SORCS1: variants seen among roughly 807,000 people sequenced by gnomAD.
The protein encoded by SORCS1 is VPS10 domain-containing receptor SorCS1.
A neutral mutation model predicts 146.1 loss-of-function variants in SORCS1; 60 were observed. The ratio of observed to expected loss-of-function variants is 0.41; its 90% CI spans 0.33 to 0.51. The LOEUF (loss-of-function observed/expected upper bound fraction) is 0.51. Among genes scored for constraint, SORCS1 ranks in the 20% least tolerant of loss-of-function variants. The pLI is 0.21. For missense variants in SORCS1, 1,352 were observed against 1,487.6 expected (o/e 0.91, Z 1.50); for synonymous variants, 637 against 584.0 (o/e 1.09, Z -1.31).
intron 2 of SORCS1, among the ~76,000 whole-genome samples, chr10:106,879,908 G>A (rs1049433534): frequency 6.6e-6 from 1 of 152,210 alleles, no homozygotes; most frequent in African/African-American, 2.4e-5. Context: ...GAAACCCTAA[G>A]CAGTGAGCAA....
At chr10:106,644,558 G>A (rs942692635) in intron 18 of SORCS1, among the ~76,000 whole-genome samples, 2 of 151,964 alleles carry the variant, frequency 1.3e-5, no homozygotes, top group Non-Finnish European at 2.9e-5. Context: ...GTAGAGACGG[G>A]GTTTCACTGT....
intron 2 of SORCS1, among the ~76,000 whole-genome samples, chr10:106,873,771 C>T (rs1041224344): frequency 2.0e-5 from 3 of 152,202 alleles, no homozygotes; most frequent in Admixed American, 1.3e-4. Flanking sequence ...ACACCAATAA[C>T]TCCTTCACCT....
In SORCS1 at chr10:106,760,599, C is replaced by T. The variant is rs1457617395; in HGVS notation, c.959+989G>A. 2.0e-5 allele frequency among the ~76,000 whole-genome samples: 3 copies of T among 151,954 alleles called. No homozygotes were observed. In the East Asian group the frequency reaches 5.8e-4, roughly 29 times the overall value. The stretch of plus-strand genomic sequence containing the variant: ...ACATTGATCTCGAACTCCCCAGCCT[C>T]CAGAACAACGAAGAATAAATATCCG... On this transcript the variant is annotated intron_variant, in intron 5 of 25. Transcript: ENST00000263054.
intron 1 of SORCS1, among the ~76,000 whole-genome samples, chr10:107,120,328 T>A (rs2134533408): frequency 6.6e-6 from 1 of 152,168 alleles, no homozygotes; most frequent in East Asian, 1.9e-4. Flanking sequence ...GTAATTTGTA[T>A]TTGCTGAATG....
At chr10:107,033,101 G>C (rs1958739594) in intron 1 of SORCS1, among the ~76,000 whole-genome samples, 1 of 152,166 alleles carries the variant, frequency 6.6e-6, no homozygotes, top group Non-Finnish European at 1.5e-5. Flanking sequence ...GCTGGTTGGG[G>C]AGGCCTCAGG....
intron 4 of SORCS1, among the ~76,000 whole-genome samples, chr10:106,764,247 A>C (rs998642889): frequency 2.0e-5 from 3 of 152,342 alleles, no homozygotes; most frequent in African/African-American, 7.2e-5. Flanking sequence ...ACTACTTCAG[A>C]CATTTTCTCC....
chr10:106,948,370 T>C (rs919540333), intron 2 of SORCS1, among the ~76,000 whole-genome samples: 2 of 152,000 alleles, frequency 1.3e-5, no homozygotes, highest in Non-Finnish European at 2.9e-5. Flanking sequence ...TAAAAAAACA[T>C]AGTTTAGTAA....
Position 106,761,671 on chromosome 10 carries a change from A to G in SORCS1, c.886-10T>C. The G allele has an allele frequency of 6.2e-7, 1 of 1,613,174 alleles. No individual in the cohort carries two copies. Among genetic ancestry groups the G allele is most frequent in the Non-Finnish European group, 8.5e-7 (1 of 1,179,170 alleles). The stretch of plus-strand genomic sequence containing the variant: ...CAGCAGAGCTGTATAACTGTAAAGA[A>G]CAGAAATTACTCAGCACTATGGTTC... On this transcript the variant is annotated splice_polypyrimidine_tract_variant and intron_variant, in intron 4 of 25. Coordinates refer to ENST00000263054, the MANE Select transcript of SORCS1 (RefSeq NM_052918.5).
At chr10:106,760,422 G>A (rs1445026677) in intron 5 of SORCS1, among the ~76,000 whole-genome samples, 2 of 120,806 alleles carry the variant, frequency 1.7e-5, no homozygotes, top group African/African-American at 3.2e-5. Context: ...CCAGCCTGGT[G>A]ACAGAGTGAG....
At chr10:106,701,183 A>T (rs1854113424) in intron 8 of SORCS1, among the ~76,000 whole-genome samples, 1 of 152,008 alleles carries the variant, frequency 6.6e-6, no homozygotes, top group African/African-American at 2.4e-5. Context: ...ATTACTTTGT[A>T]TTTTTTTTAA....
chr10:106,749,536 T>C lies in SORCS1; in HGVS notation c.959+12052A>G, dbSNP rs190404865. Among the ~76,000 whole-genome samples the C allele has an allele frequency of 2.3e-3, 352 of 152,332 alleles. 4 individuals carry two copies. Among genetic ancestry groups the C allele is most frequent in the African/African-American group, 8.1e-3 (335 of 41,572 alleles). On this transcript the variant is annotated intron_variant, in intron 5 of 25. Transcript: ENST00000263054. ...GAATTTGGCCTGTAAAATCACTCCA[T>C]TGAAACTAATTAAATGAGTTGAATA...
At position 106,652,506 on chromosome 10, in the gene SORCS1, T is replaced by A. The variant is rs200289391; in HGVS notation, c.2351A>T (p.Gln784Leu). The change falls in exon 18 of 26, where the codon CAG becomes CTG. Residue 784 changes from glutamine (Q) to leucine (L), a missense_variant. Transcript: ENST00000263054. ...GCACTTCTGCGGTTTGGCAGTGTAC[T>A]GTTCCCTTACGCCATCAGTGCAATT... is the stretch of plus-strand genomic sequence containing the variant. The part of the protein sequence containing the change: ...SNNCTDGVRE[Q>L]YTAKPQKCPG... 1 of 1,614,116 alleles carries A rather than the reference T, an allele frequency of 6.2e-7. No individual in the cohort carries two copies. The highest frequency in any genetic ancestry group is 1.3e-5 in the African/African-American group (1 of 75,042).
At chr10:107,155,297 T>C (rs201062944) in intron 1 of SORCS1, among the ~76,000 whole-genome samples, 37 of 152,334 alleles carry the variant, frequency 2.4e-4, no homozygotes, top group South Asian at 6.2e-4. Context: ...AAGAAGTCCA[T>C]GGACTCTTAA....
At chr10:106,642,648 C>T (rs1382857270) in intron 18 of SORCS1, among the ~76,000 whole-genome samples, 2 of 152,094 alleles carry the variant, frequency 1.3e-5, no homozygotes, top group African/African-American at 4.8e-5. Flanking sequence ...AATTTATACC[C>T]AAGCCTCTGA....
At chr10:106,751,524 T>C (rs1417059893) in intron 5 of SORCS1, among the ~76,000 whole-genome samples, 1 of 152,212 alleles carries the variant, frequency 6.6e-6, no homozygotes, top group East Asian at 1.9e-4. Context: ...TGAGTCTTTC[T>C]GTTTTTGCTT....
At chr10:107,089,986 C>G (rs73383395) in intron 1 of SORCS1, among the ~76,000 whole-genome samples, 9,125 of 152,240 alleles carry the variant, frequency 0.06, 831 homozygotes, top group African/African-American at 0.2. Flanking sequence ...AAGAATGATC[C>G]ATCGACCCAC....
At chr10:106,756,982 C>T (rs113878633) in intron 5 of SORCS1, among the ~76,000 whole-genome samples, 85 of 152,214 alleles carry the variant, frequency 5.6e-4, no homozygotes, top group African/African-American at 2.0e-3. Flanking sequence ...ACTGAGCCCC[C>T]GTCTCCTTGG....
intron 1 of SORCS1, among the ~76,000 whole-genome samples, chr10:106,999,492 G>T (rs1006829084): frequency 1.3e-5 from 2 of 152,196 alleles, no homozygotes; most frequent in African/African-American, 4.8e-5. Context: ...TTTCATTTAA[G>T]AAAACGTGCT....
In SORCS1 at chr10:107,164,031, C is replaced by T. The variant is rs758400528; in HGVS notation, c.496G>A (p.Ala166Thr). The T allele has an allele frequency of 1.2e-6, 2 of 1,614,146 alleles. No homozygotes were observed. Among genetic ancestry groups the T allele is most frequent in the Non-Finnish European group, 1.7e-6 (2 of 1,180,024 alleles). ...TTGTGTGCTGAGTCTCCCGTCAGCG[C>T]AAACGTGGTGCTGGTCAGTCTCAGC... ...EELRLTSTTF[A>T]LTGDSAHNQA... Residue 166 changes from alanine (A) to threonine (T), a missense_variant, in exon 1 of 26, where the codon GCG (alanine) becomes ACG (threonine). Physicochemically the swap from Ala to Thr is moderately conservative, Grantham distance 58. Coordinates refer to ENST00000263054, the MANE Select transcript of SORCS1 (RefSeq NM_052918.5). The surrounding 1 kb of genome is among the most constrained non-coding windows in gnomAD (Gnocchi z 6.8).
Sources: allele counts gnomAD v4.1 joint callset (sites outside exome capture counted in the v4.1 genomes callset), GRCh38; gene constraint gnomAD v4.1.1; non-coding constraint Gnocchi (gnomAD v3.1); transcripts MANE v1.5; gene names NCBI Gene and HGNC (gene_info 2026-07-23, HGNC 2026-07-21).